TMEM106A: variants seen among roughly 807,000 people sequenced by gnomAD.
TMEM106A encodes transmembrane protein 106A.
Under a neutral mutation model 25.1 loss-of-function variants are expected in TMEM106A, and 22 were observed. The observed-to-expected ratio is 0.88, with a 90% confidence interval of 0.63 to 1.25. The LOEUF (loss-of-function observed/expected upper bound fraction) is 1.25. Ranked by LOEUF, TMEM106A falls within the 50% of genes most tolerant of loss-of-function variation. The pLI is 0.00. For missense variants in TMEM106A, 275 were observed against 318.1 expected (o/e 0.86, Z 1.03); for synonymous variants, 104 against 129.9 (o/e 0.80, Z 1.35).
chr17:43,219,379 C>T lies in TMEM106A; in HGVS notation c.*1578C>T, dbSNP rs945268836. Reference sequence around the variant, plus strand: ...GATAACCCCTAGGTTCCCACTGGCTCCTAGTAGAAATAGTTTCTGTACTTT... The same window carrying T: ...GATAACCCCTAGGTTCCCACTGGCTTCTAGTAGAAATAGTTTCTGTACTTT... On this transcript the variant is annotated 3_prime_UTR_variant, in exon 9 of 9. Transcript: ENST00000612339. 4 of 152,110 alleles carry T rather than the reference C, an allele frequency of 2.6e-5. No individual in the cohort carries two copies. The highest frequency in any genetic ancestry group is 9.7e-5 in the African/African-American group (4 of 41,386). 9.4% of individuals were successfully genotyped at this position (152,110 alleles called of 1,614,324 possible). A position where few individuals can be genotyped will look rare whatever the true frequency, so the allele number is the denominator to read the frequency against.
At chr17:43,213,392 A>G (rs1293301016) in intron 3 of TMEM106A, 140 bp downstream of exon 3, 15 of 870,404 alleles carry the variant, frequency 1.7e-5, no homozygotes, top group Non-Finnish European at 2.3e-5. Context: ...CAGGCTGGCC[A>G]GGGAGATACT....
intron 8 of TMEM106A, 77 bp from the exon 9 acceptor site, chr17:43,217,604 C>T: frequency 6.4e-7 from 1 of 1,568,582 alleles, no homozygotes; most frequent in Non-Finnish European, 8.6e-7. Context: ...CCCCGCTCCC[C>T]ACCCCCAGAC....
At position 43,213,149 on chromosome 17, in the gene TMEM106A, CG is replaced by C; in HGVS notation, c.110del (p.Gly37ValfsTer21). 6.2e-7 allele frequency: 1 copy of C among 1,614,202 alleles called. No homozygotes were observed. Among genetic ancestry groups the C allele is most frequent in the Non-Finnish European group, 8.5e-7 (1 of 1,180,052 alleles). On this transcript the variant is annotated frameshift_variant, in exon 3 of 9. Coordinates refer to ENST00000612339, the MANE Select transcript of TMEM106A (RefSeq NM_145041.4). LOFTEE classifies it high-confidence loss of function. The part of the protein sequence containing the change: ...GSKAVNYSST[G>X]SSKSFCSCVP... ...GCAAGGCTGTCAACTACTCCAGCAC[CG>C]GTAGCAGCAAGTCTTTTTGTTCCTG...
chr17:43,214,023 C>A, intron 4 of TMEM106A, 132 bp downstream of exon 4: 1 of 909,910 alleles, frequency 1.1e-6, no homozygotes, highest in East Asian at 2.6e-5. Flanking sequence ...CTCAGAGGTA[C>A]CAGCTCCTTA....
Position 43,213,154 on chromosome 17 carries a change from G to A in TMEM106A, c.113G>A (p.Ser38Asn). 6.2e-7 allele frequency: 1 copy of A among 1,614,228 alleles called. No individual in the cohort carries two copies. The highest frequency in any genetic ancestry group is 8.5e-7 in the Non-Finnish European group (1 of 1,180,046). ...GCTGTCAACTACTCCAGCACCGGTA[G>A]CAGCAAGTCTTTTTGTTCCTGTGTG... The part of the protein sequence containing the change: ...SKAVNYSSTG[S>N]SKSFCSCVPC... Residue 38 changes from serine (S) to asparagine (N), a missense_variant, in exon 3 of 9, where the codon AGC becomes AAC. Physicochemically the swap from Ser to Asn is conservative, Grantham distance 46 (BLOSUM62 1). Coordinates refer to ENST00000612339, the MANE Select transcript of TMEM106A (RefSeq NM_145041.4).
chr17:43,217,871 T>C lies in TMEM106A; in HGVS notation c.*70T>C. 1 of 1,602,872 alleles carries C rather than the reference T, an allele frequency of 6.2e-7. No individual in the cohort carries two copies. Among genetic ancestry groups the C allele is most frequent in the South Asian group, 1.1e-5 (1 of 89,050 alleles). Reference sequence around the variant, plus strand: ...ATATCTCCCACAACTCCCTGGTGACTAAGGAAGGACTACAGAGGCTTTGCC... The same window carrying C: ...ATATCTCCCACAACTCCCTGGTGACCAAGGAAGGACTACAGAGGCTTTGCC... On this transcript the variant is annotated 3_prime_UTR_variant, in exon 9 of 9. Coordinates refer to ENST00000612339, the MANE Select transcript of TMEM106A (RefSeq NM_145041.4).
chr17:43,216,042 A>T, intron 5 of TMEM106A, 101 bp downstream of exon 5: 1 of 1,464,622 alleles, frequency 6.8e-7, no homozygotes, highest in Non-Finnish European at 9.3e-7. Flanking sequence ...CAGAGATCTT[A>T]TGGCACCCAG....
At chr17:43,213,355 T>C in intron 3 of TMEM106A, 103 bp downstream of exon 3, 1 of 1,218,616 alleles carries the variant, frequency 8.2e-7, no homozygotes, top group Non-Finnish European at 1.2e-6. Context: ...GGGTTAGATC[T>C]GCTCCCAGCT....
At chr17:43,213,758 G>T in intron 3 of TMEM106A, 70 bp from the exon 4 acceptor site, 1 of 1,509,546 alleles carries the variant, frequency 6.6e-7, no homozygotes, top group South Asian at 1.1e-5. Flanking sequence ...GCGTGCTTCT[G>T]GGAAGCTGGC....
In TMEM106A at chr17:43,219,224, C is replaced by G. The variant is rs764633525; in HGVS notation, c.*1423C>G. 4.6e-5 allele frequency: 7 copies of G among 152,266 alleles called. No homozygotes were observed. Among genetic ancestry groups the G allele is most frequent in the Non-Finnish European group, 8.8e-5 (6 of 68,156 alleles). The allele number at this position is 152,266 out of a possible 1,614,324, so 9.4% of individuals were successfully genotyped here. A position where few individuals can be genotyped will look rare whatever the true frequency, so the allele number is the denominator to read the frequency against. ...CTGCTGGGTTCTGTTCCACCACCAC[C>G]TTAGCACCAGGGCCCTCTCTGGTCC... On this transcript the variant is annotated 3_prime_UTR_variant, in exon 9 of 9. Coordinates refer to ENST00000612339, the MANE Select transcript of TMEM106A (RefSeq NM_145041.4).
rs921288827 is a variant in TMEM106A at position 43,216,571 on chromosome 17, C to T, written c.552C>T (p.Gly184=). The T allele has an allele frequency of 1.2e-6, 2 of 1,614,118 alleles. No individual in the cohort carries two copies. The highest frequency in any genetic ancestry group is 2.2e-5 in the East Asian group (1 of 44,900). ...QVSNNLLLHI[G]PLASEQMFYA... is the part of the protein sequence containing the mutation. Reference sequence around the variant, plus strand: ...CCAACAACCTTCTCCTACACATTGGCCCTTTGGCCAGTGAACAGGTGACTC... The same window carrying T: ...CCAACAACCTTCTCCTACACATTGGTCCTTTGGCCAGTGAACAGGTGACTC... The change falls in exon 6 of 9, where the codon GGC becomes GGT. Residue 184 remains glycine (G), a synonymous_variant. Coordinates refer to ENST00000612339, the MANE Select transcript of TMEM106A (RefSeq NM_145041.4).
intron 4 of TMEM106A, among the ~76,000 whole-genome samples, chr17:43,214,974 A>C (rs200746491): frequency 2.6e-4 from 39 of 147,410 alleles, no homozygotes; most frequent in African/African-American, 9.1e-4. Flanking sequence ...AAAAAAAAAA[A>C]CAAAAAAAAA....
chr17:43,212,745 T>C (rs920609993), intron 2 of TMEM106A, among the ~76,000 whole-genome samples: 8 of 152,244 alleles, frequency 5.3e-5, no homozygotes, highest in Admixed American at 1.3e-4. Flanking sequence ...CAATCACTTA[T>C]GGAAGTTCCT....
intron 4 of TMEM106A, 50 bp downstream of exon 4, chr17:43,213,941 T>TG: frequency 6.4e-7 from 1 of 1,567,422 alleles, no homozygotes; most frequent in Non-Finnish European, 8.8e-7. Context: ...CCCTGGGGGC[T>TG]GCTCCCTTTG....
Position 43,218,399 on chromosome 17 carries a change from A to G in TMEM106A, c.*598A>G, listed in dbSNP as rs563495149. 2 of 153,102 alleles carry G rather than the reference A, an allele frequency of 1.3e-5. No individual in the cohort carries two copies. Among genetic ancestry groups the G allele is most frequent in the East Asian group, 1.9e-4 (1 of 5,180 alleles). The allele number at this position is 153,102 out of a possible 1,614,324, so 9.5% of individuals were successfully genotyped here. A position where few individuals can be genotyped will look rare whatever the true frequency, so the allele number is the denominator to read the frequency against. ...CTGCCGGCTGGGCGCAGTGGCTTAC[A>G]CCTGTAATCCCAGTACTTTGGGAGG... On this transcript the variant is annotated 3_prime_UTR_variant, in exon 9 of 9. Transcript: ENST00000612339.
chr17:43,217,068 CAG>C (rs2057493493), intron 7 of TMEM106A, 189 bp from the exon 8 acceptor site: 5 of 665,014 alleles, frequency 7.5e-6, no homozygotes. Context: ...GAGTGGAGGT[CAG>C]AGTGATAGTG....
chr17:43,216,049 C>T (rs920648845), intron 5 of TMEM106A, 108 bp downstream of exon 5: 8 of 1,427,680 alleles, frequency 5.6e-6, no homozygotes, highest in Non-Finnish European at 7.7e-6. Context: ...CTTATGGCAC[C>T]CAGAGGGTGT....
Position 43,213,199 on chromosome 17 carries a change from A to T in TMEM106A, c.158A>T (p.Asp53Val). 1 of 1,614,230 alleles carries T rather than the reference A, an allele frequency of 6.2e-7. No individual in the cohort carries two copies. The highest frequency in any genetic ancestry group is 8.5e-7 in the Non-Finnish European group (1 of 1,180,044). ...TGTGTGCCTTGTGAAGGAACTGCTG[A>T]TGCCAGCTTCGTGACTTGTCCCACC... ...CSCVPCEGTA[D>V]ASFVTCPTCQ... Residue 53 changes from aspartate to valine, a missense_variant, in exon 3 of 9, where the codon GAT (aspartate) becomes GTT (valine). Asp to Val is a radical substitution (Grantham distance 152, BLOSUM62 -3). Transcript: ENST00000612339.
chr17:43,213,260 G>A lies in TMEM106A; in HGVS notation c.211+8G>A, dbSNP rs1419865188. On this transcript the variant is annotated splice_region_variant and intron_variant, in intron 3 of 8. Transcript: ENST00000612339. ...GTGGCAAGATTCCCCAAGGTGAGTG[G>A]CCCAAGGCTCTGGAAATAGCCTGGA... The A allele has an allele frequency of 3.6e-5, 58 of 1,614,008 alleles. No individual in the cohort carries two copies. The highest frequency in any genetic ancestry group is 4.7e-5 in the Non-Finnish European group (56 of 1,179,986).
Sources: allele counts gnomAD v4.1 joint callset (sites outside exome capture counted in the v4.1 genomes callset), GRCh38; gene constraint gnomAD v4.1.1; transcripts MANE v1.5; gene names NCBI Gene and HGNC (gene_info 2026-07-23, HGNC 2026-07-21).